DPP10: variants seen among roughly 807,000 people sequenced by gnomAD.
DPP10 encodes the protein inactive dipeptidyl peptidase 10.
A neutral mutation model predicts 120.9 loss-of-function variants in DPP10; 33 were observed. That is an observed-to-expected ratio of 0.27 (90% CI 0.21 to 0.37). The LOEUF is 0.37. DPP10 is among the 10% of genes least tolerant of loss of function. The pLI is 1.00. For missense variants in DPP10, 816 were observed against 942.8 expected, an observed-to-expected ratio of 0.87 and a Z score of 1.76; for synonymous variants, 337 against 326.1, an observed-to-expected ratio of 1.03 and a Z score of -0.36.
At chr2:115,800,517 T>A (rs1323516478) in intron 19 of DPP10, among the ~76,000 whole-genome samples, 2 of 152,222 alleles carry the variant, frequency 1.3e-5, no homozygotes, top group East Asian at 3.9e-4. Context: ...GCCCATGCCT[T>A]TGTCCTGAAT....
At chr2:114,886,051 A>G (rs12053455) in intron 1 of DPP10, among the ~76,000 whole-genome samples, 40,421 of 152,090 alleles carry the variant, frequency 0.27, 5,980 homozygotes, top group East Asian at 0.6. Flanking sequence ...TCCATTATAA[A>G]CTTATAGGTC....
At chr2:114,955,415 G>A (rs907544062) in intron 1 of DPP10, among the ~76,000 whole-genome samples, 1 of 152,158 alleles carries the variant, frequency 6.6e-6, no homozygotes, top group African/African-American at 2.4e-5. Flanking sequence ...CGATAATGCA[G>A]CCCAGTGGGT....
chr2:115,692,781 CTA>C (rs1202021813), intron 7 of DPP10, among the ~76,000 whole-genome samples: 3 of 151,960 alleles, frequency 2.0e-5, no homozygotes, highest in Admixed American at 6.6e-5. Context: ...TGGAAAATGA[CTA>C]TTTTTCATAA....
intron 1 of DPP10, among the ~76,000 whole-genome samples, chr2:114,663,427 G>T (rs1281803111): frequency 2.0e-5 from 3 of 150,118 alleles, no homozygotes; most frequent in East Asian, 3.9e-4. Flanking sequence ...TATTTTAGTT[G>T]TCAATGTGTC....
chr2:114,450,528 A>G (rs1678204284), intron 1 of DPP10, among the ~76,000 whole-genome samples: 1 of 152,112 alleles, frequency 6.6e-6, no homozygotes. Context: ...AAGAACAAAG[A>G]AAGCTATAAA....
At chr2:115,804,618 G>A (rs1685688601) in intron 19 of DPP10, among the ~76,000 whole-genome samples, 1 of 152,102 alleles carries the variant, frequency 6.6e-6, no homozygotes, top group African/African-American at 2.4e-5. Flanking sequence ...TGGTGTGGAT[G>A]TCCTTTCTGT....
intron 3 of DPP10, among the ~76,000 whole-genome samples, chr2:115,371,962 A>G (rs933385614): frequency 6.6e-6 from 1 of 152,128 alleles, no homozygotes; most frequent in African/African-American, 2.4e-5. Flanking sequence ...TGTTCATCTG[A>G]GAACTCATCT....
chr2:114,953,485 T>C (rs1697948634), intron 1 of DPP10, among the ~76,000 whole-genome samples: 1 of 152,100 alleles, frequency 6.6e-6, no homozygotes, highest in Non-Finnish European at 1.5e-5. Context: ...TGTATGTGTG[T>C]GTGTGCGTGT....
intron 10 of DPP10, among the ~76,000 whole-genome samples, chr2:115,752,615 A>G (rs1033249557): frequency 1.3e-5 from 2 of 152,186 alleles, no homozygotes; most frequent in Non-Finnish European, 2.9e-5. Flanking sequence ...ACCAAAACAA[A>G]CCATTCATAC....
At chr2:115,646,384 A>G (rs1208648141) in intron 5 of DPP10, among the ~76,000 whole-genome samples, 1 of 152,182 alleles carries the variant, frequency 6.6e-6, no homozygotes, top group Non-Finnish European at 1.5e-5. Context: ...GGGTAAAAAA[A>G]AAGAAATTGA....
At chr2:115,106,828 C>A (rs1440067437) in intron 1 of DPP10, among the ~76,000 whole-genome samples, 2 of 152,154 alleles carry the variant, frequency 1.3e-5, no homozygotes, top group East Asian at 1.9e-4. Context: ...GTGATCCCAG[C>A]ACTTTGGGAG....
At chr2:115,472,086 T>C (rs543193430) in intron 3 of DPP10, among the ~76,000 whole-genome samples, 2 of 152,298 alleles carry the variant, frequency 1.3e-5, no homozygotes, top group African/African-American at 2.4e-5. Context: ...TTAATTCTCC[T>C]GGCTGTGTTG....
At chr2:114,966,835 A>G (rs1013096205) in intron 1 of DPP10, among the ~76,000 whole-genome samples, 1 of 152,244 alleles carries the variant, frequency 6.6e-6, no homozygotes, top group East Asian at 1.9e-4. Context: ...TGAGGTCAGG[A>G]GTTTGATACC....
chr2:114,612,605 G>GT, intron 1 of DPP10, among the ~76,000 whole-genome samples: 1 of 152,132 alleles, frequency 6.6e-6, no homozygotes, highest in Non-Finnish European at 1.5e-5. Context: ...TTATTCTATG[G>GT]TATCTATTGA....
chr2:114,789,747 T>TG (rs1315701863), intron 1 of DPP10, among the ~76,000 whole-genome samples: 1 of 152,114 alleles, frequency 6.6e-6, no homozygotes, highest in African/African-American at 2.4e-5. Context: ...CACAAAGGGA[T>TG]GGAGATGGGA....
intron 5 of DPP10, among the ~76,000 whole-genome samples, chr2:115,554,304 C>A (rs2080074336): frequency 6.6e-6 from 1 of 151,622 alleles, no homozygotes; most frequent in African/African-American, 2.4e-5. Context: ...GAGATAGAGA[C>A]AAGAGAATCA....
intron 1 of DPP10, among the ~76,000 whole-genome samples, chr2:114,977,827 C>CA (rs1699846988): frequency 1.3e-5 from 2 of 151,818 alleles, no homozygotes; most frequent in South Asian, 4.2e-4. Flanking sequence ...CTGTTGTACC[C>CA]AATTCCAGAA....
At chr2:115,748,212 A>C (rs1204769502) in intron 10 of DPP10, among the ~76,000 whole-genome samples, 1 of 134,100 alleles carries the variant, frequency 7.5e-6, no homozygotes, top group African/African-American at 2.6e-5. Context: ...ATTTTATAAT[A>C]ATTTACATGT....
chr2:114,921,136 G>A (rs1041819348), intron 1 of DPP10, among the ~76,000 whole-genome samples: 6 of 152,108 alleles, frequency 3.9e-5, no homozygotes, highest in South Asian at 2.1e-4. Context: ...CCAGGGCTTC[G>A]AACAAAGAAG....
Sources: allele counts gnomAD v4.1 joint callset (sites outside exome capture counted in the v4.1 genomes callset), GRCh38; gene constraint gnomAD v4.1.1; transcripts MANE v1.5; gene names NCBI Gene and HGNC (gene_info 2026-07-23, HGNC 2026-07-21).